Variants in PRKG1 observed in about 807,000 individuals in gnomAD.
PRKG1 encodes cGMP-dependent protein kinase 1.
PRKG1 carries 35 observed loss-of-function variants against 88.1 expected under a neutral mutation model. The observed-to-expected ratio is 0.40, with a 90% confidence interval of 0.30 to 0.53. The LOEUF is 0.53. PRKG1 is among the 20% of genes least tolerant of loss of function. The pLI is 0.59. For missense variants in PRKG1, 540 were observed against 839.8 expected (o/e 0.64, Z 4.41); for synonymous variants, 303 against 292.5 (o/e 1.04, Z -0.37).
intron 2 of PRKG1, among the ~76,000 whole-genome samples, chr10:51,250,292 T>A (rs564111233): frequency 1.3e-5 from 2 of 152,030 alleles, no homozygotes; most frequent in East Asian, 3.9e-4. Flanking sequence ...TATGAGAAAC[T>A]AATGTTTAGC....
chr10:52,293,055 C>T (rs1842292533), intron 17 of PRKG1, among the ~76,000 whole-genome samples: 1 of 151,922 alleles, frequency 6.6e-6, no homozygotes, highest in South Asian at 2.1e-4. Flanking sequence ...TAAGCAACTT[C>T]AGCAAAGTCT....
chr10:51,466,988 T>G (rs1183022361), intron 2 of PRKG1, among the ~76,000 whole-genome samples: 3 of 152,104 alleles, frequency 2.0e-5, no homozygotes, highest in African/African-American at 7.2e-5. Context: ...TACATAGGTA[T>G]GACTTTCAAA....
intron 2 of PRKG1, among the ~76,000 whole-genome samples, chr10:51,306,123 G>T (rs1441001286): frequency 1.3e-5 from 2 of 152,154 alleles, no homozygotes; most frequent in Admixed American, 1.3e-4. Context: ...CTTATTTAGG[G>T]CCTCACAGTA....
intron 1 of PRKG1, among the ~76,000 whole-genome samples, chr10:51,060,826 G>T (rs1255169632): frequency 6.6e-6 from 1 of 152,062 alleles, no homozygotes; most frequent in African/African-American, 2.4e-5. Flanking sequence ...TTCTCTGAAA[G>T]TATACCTATT....
chr10:51,328,473 T>C (rs761922108), intron 2 of PRKG1, among the ~76,000 whole-genome samples: 1 of 152,244 alleles, frequency 6.6e-6, no homozygotes, highest in African/African-American at 2.4e-5. Context: ...ATACTAATTT[T>C]ATTTCCTTTG....
intron 2 of PRKG1, among the ~76,000 whole-genome samples, chr10:51,457,491 A>G (rs1839619138): frequency 6.6e-6 from 1 of 152,200 alleles, no homozygotes; most frequent in Non-Finnish European, 1.5e-5. Flanking sequence ...TGCTCAGGTG[A>G]TGGGTGAACC....
chr10:51,571,545 T>TGC (rs760924828), intron 3 of PRKG1, among the ~76,000 whole-genome samples: 21,457 of 151,546 alleles, frequency 0.14, 1,623 homozygotes, highest in African/African-American at 0.19. Context: ...CATGAGGGGG[T>TGC]GAGGCAGTCC....
chr10:52,163,093 A>G (rs1838321948), intron 9 of PRKG1, among the ~76,000 whole-genome samples: 1 of 151,296 alleles, frequency 6.6e-6, no homozygotes, highest in Non-Finnish European at 1.5e-5. Context: ...GGGGTCATTT[A>G]AGGTACCTTA....
intron 3 of PRKG1, among the ~76,000 whole-genome samples, chr10:51,797,083 T>C (rs980964565): frequency 2.6e-5 from 4 of 151,516 alleles, no homozygotes; most frequent in African/African-American, 9.7e-5. Flanking sequence ...TCTGGAGGGG[T>C]AGAGGCAGGC....
chr10:51,737,709 A>T (rs572960304), intron 3 of PRKG1, among the ~76,000 whole-genome samples: 71 of 111,862 alleles, frequency 6.3e-4, no homozygotes, highest in South Asian at 4.9e-3. Flanking sequence ...CTATATTTTT[A>T]TTTATTTATT....
chr10:51,095,437 TG>T (rs1844504757), intron 1 of PRKG1, among the ~76,000 whole-genome samples: 1 of 152,192 alleles, frequency 6.6e-6, no homozygotes, highest in South Asian at 2.1e-4. Context: ...TTTATTTACT[TG>T]GGCACAGCTA....
At chr10:51,659,456 A>T (rs933133247) in intron 3 of PRKG1, among the ~76,000 whole-genome samples, 3 of 152,244 alleles carry the variant, frequency 2.0e-5, no homozygotes, top group African/African-American at 7.2e-5. Context: ...CAAGGAGATT[A>T]ATAATCTATA....
intron 3 of PRKG1, among the ~76,000 whole-genome samples, chr10:51,475,985 A>G (rs1366737765): frequency 6.6e-6 from 1 of 152,084 alleles, no homozygotes; most frequent in Non-Finnish European, 1.5e-5. Flanking sequence ...ATACATTACA[A>G]CATCAAAATA....
At chr10:51,463,195 T>C (rs531822645) in intron 2 of PRKG1, among the ~76,000 whole-genome samples, 2 of 152,172 alleles carry the variant, frequency 1.3e-5, no homozygotes, top group African/African-American at 4.8e-5. Flanking sequence ...ATGAATGTCT[T>C]CTGTTTTTTT....
At chr10:51,997,125 G>A (rs1844466838) in intron 5 of PRKG1, among the ~76,000 whole-genome samples, 1 of 152,040 alleles carries the variant, frequency 6.6e-6, no homozygotes, top group Admixed American at 6.6e-5. Context: ...ATGCTTGGGG[G>A]GTAGAGGGCA....
chr10:51,275,744 C>A (rs923079742), intron 2 of PRKG1, among the ~76,000 whole-genome samples: 1 of 152,028 alleles, frequency 6.6e-6, no homozygotes, highest in African/African-American at 2.4e-5. Context: ...ACCAGAGTGA[C>A]AAATGGCCCC....
chr10:51,590,989 G>A (rs577673129), intron 3 of PRKG1, among the ~76,000 whole-genome samples: 26 of 152,318 alleles, frequency 1.7e-4, no homozygotes, highest in African/African-American at 6.0e-4. Flanking sequence ...GACAGTTAGG[G>A]AGTGTACTGG....
chr10:51,852,146 C>T (rs1012825940), intron 4 of PRKG1, among the ~76,000 whole-genome samples: 8 of 147,462 alleles, frequency 5.4e-5, no homozygotes, highest in African/African-American at 2.0e-4. Context: ...TAAGTTTAGG[C>T]AAATCTAAGT....
chr10:51,344,666 C>CT (rs902641757), intron 2 of PRKG1, among the ~76,000 whole-genome samples: 8 of 150,520 alleles, frequency 5.3e-5, no homozygotes, highest in African/African-American at 7.3e-5. Context: ...ACAAGATGTC[C>CT]TTTTTTTTTC....
Sources: gnomAD v4.1 joint callset for allele counts (sites outside exome capture counted in the v4.1 genomes callset) on GRCh38, gnomAD v4.1.1 for gene constraint, MANE v1.5 for transcripts, NCBI Gene and HGNC (gene_info 2026-07-23, HGNC 2026-07-21) for gene names.